Variants in TLN2 observed in about 807,000 individuals in gnomAD.
TLN2 encodes the protein talin 2, also known as talin-2.
Under a neutral mutation model 294.7 loss-of-function variants are expected in TLN2, and 118 were observed. That is an observed-to-expected ratio of 0.40 (90% confidence interval 0.34 to 0.47). The LOEUF (loss-of-function observed/expected upper bound fraction) is 0.47, where lower values mean the gene tolerates loss of function less well. Among genes scored for constraint, TLN2 ranks in the 20% least tolerant of loss-of-function variants. The pLI, the probability that TLN2 is intolerant of heterozygous loss-of-function variation, is 0.84. For missense variants in TLN2, 3,083 were observed against 3,282.2 expected, an observed-to-expected ratio of 0.94 and a Z score of 1.48; for synonymous variants, 1,431 against 1,304.5, an observed-to-expected ratio of 1.10 and a Z score of -2.09.
chr15:62,616,519 C>T (rs1197762494), intron 2 of TLN2, among the ~76,000 whole-genome samples: 1 of 152,222 alleles, frequency 6.6e-6, no homozygotes, highest in African/African-American at 2.4e-5. Flanking sequence ...GCCTCAACCT[C>T]CTCGCCTCAA....
intron 1 of TLN2, among the ~76,000 whole-genome samples, chr15:62,518,411 A>C (rs1047692062): frequency 2.6e-5 from 4 of 152,136 alleles, no homozygotes; most frequent in African/African-American, 9.7e-5. Context: ...GTAGGTTTTG[A>C]AGACAAATAG....
At chr15:62,647,509 A>C (rs2052022193) in intron 4 of TLN2, 63 bp downstream of exon 4, 2 of 1,607,662 alleles carry the variant, frequency 1.2e-6, no homozygotes, top group Non-Finnish European at 1.7e-6. Context: ...CTTTTTTGCT[A>C]AAGAGACAGA....
Position 62,716,412 on chromosome 15 carries a change from G to A in TLN2, c.2716G>A (p.Ala906Thr), listed in dbSNP as rs1052939323. The change falls in exon 23 of 59, where the codon GCA becomes ACA. Residue 906 changes from alanine to threonine, a missense_variant. Coordinates refer to ENST00000636159, the MANE Select transcript of TLN2 (RefSeq NM_015059.3). Reference protein sequence around the residue: ...AAEGLRVATNAAAQNAIKKKI... With the variant: ...AAEGLRVATNTAAQNAIKKKI... ...AGAAGGCCTCCGGGTAGCAACCAAC[G>A]CAGCTGCCCAGAATGCTATTAAGAA... 5 of 1,611,522 alleles carry A rather than the reference G, an allele frequency of 3.1e-6. No individual in the cohort carries two copies. Among genetic ancestry groups the A allele is most frequent in the African/African-American group, 1.3e-5 (1 of 74,746 alleles).
chr15:62,517,898 T>G (rs989784413), intron 1 of TLN2, among the ~76,000 whole-genome samples: 1 of 152,238 alleles, frequency 6.6e-6, no homozygotes, highest in Non-Finnish European at 1.5e-5. Flanking sequence ...GACATATTAC[T>G]TGAACTATTT....
intron 29 of TLN2, 31 bp downstream of exon 29, chr15:62,737,117 C>T (rs1567493828): frequency 2.5e-6 from 4 of 1,610,608 alleles, no homozygotes; most frequent in South Asian, 2.2e-5. Flanking sequence ...TTGTGGTTGT[C>T]ATGGTCATCA....
chr15:62,394,192 C>T (rs906332482), intron 1 of TLN2, among the ~76,000 whole-genome samples: 15 of 152,094 alleles, frequency 9.9e-5, no homozygotes, highest in African/African-American at 3.4e-4. Flanking sequence ...TGGAAAGTTG[C>T]CTGTCTGTTT....
chr15:62,478,109 G>A (rs2439715), intron 1 of TLN2, among the ~76,000 whole-genome samples: 26,203 of 152,124 alleles, frequency 0.17, 2,970 homozygotes, highest in East Asian at 0.45. Flanking sequence ...ACACGTTCTT[G>A]TAACTTAACC....
intron 12 of TLN2, among the ~76,000 whole-genome samples, chr15:62,690,742 A>G (rs1437368076): frequency 6.6e-6 from 1 of 150,476 alleles, no homozygotes; most frequent in Non-Finnish European, 1.5e-5. Flanking sequence ...TGAGTGAACC[A>G]GACTCCGTCT....
chr15:62,395,587 A>G (rs183257874), intron 1 of TLN2, among the ~76,000 whole-genome samples: 9 of 152,306 alleles, frequency 5.9e-5, no homozygotes, highest in African/African-American at 2.2e-4. Context: ...CCACATTTGC[A>G]GCCTTGTTTT....
In TLN2 at chr15:62,448,329, A is replaced by G. The variant is rs138305314; in HGVS notation, c.-238+57644A>G. 2.9e-3 allele frequency among the ~76,000 whole-genome samples: 439 copies of G among 152,322 alleles called. 5 individuals carry two copies. Among genetic ancestry groups the G allele is most frequent in the African/African-American group, 0.01 (430 of 41,572 alleles). Reference sequence around the variant, plus strand: ...ATCCCAATGCTTTACAGAGTTAGGTAGCAGTTATTGAGTCACTCATTTGCA... The same window carrying G: ...ATCCCAATGCTTTACAGAGTTAGGTGGCAGTTATTGAGTCACTCATTTGCA... On this transcript the variant is annotated intron_variant, in intron 1 of 58. Coordinates refer to ENST00000636159, the MANE Select transcript of TLN2 (RefSeq NM_015059.3).
chr15:62,438,219 G>A (rs1461333530), intron 1 of TLN2, among the ~76,000 whole-genome samples: 1 of 152,188 alleles, frequency 6.6e-6, no homozygotes, highest in Non-Finnish European at 1.5e-5. Flanking sequence ...GTTATTTAAG[G>A]GAAAACAGGG....
chr15:62,809,992 G>A lies in TLN2; in HGVS notation c.6731G>A (p.Cys2244Tyr). The A allele has an allele frequency of 6.2e-7, 1 of 1,614,090 alleles. No individual in the cohort carries two copies. Among genetic ancestry groups the A allele is most frequent in the Non-Finnish European group, 8.5e-7 (1 of 1,180,030 alleles). The change falls in exon 52 of 59, where the codon TGC becomes TAC. Residue 2244 changes from cysteine to tyrosine, a missense_variant. By Grantham distance (194) the Cys-to-Tyr change is radical. Transcript: ENST00000636159. Reference protein sequence around the residue: ...RTRALRFGTECTLGYLDLLEH... With the variant: ...RTRALRFGTEYTLGYLDLLEH... ...AGAGCCTTGCGTTTCGGGACGGAGT[G>A]CACCCTTGGCTACTTGGACCTCCTG...
At chr15:62,788,902 G>C (rs1567608665) in intron 45 of TLN2, among the ~76,000 whole-genome samples, 1 of 152,276 alleles carries the variant, frequency 6.6e-6, no homozygotes, top group South Asian at 2.1e-4. Context: ...CTTCTGTCCT[G>C]TGTCACAGGG....
At chr15:62,547,321 G>A (rs1032228356) in intron 1 of TLN2, among the ~76,000 whole-genome samples, 1 of 152,194 alleles carries the variant, frequency 6.6e-6, no homozygotes, top group African/African-American at 2.4e-5. Context: ...GGATTAGACT[G>A]TCTAGGATAG....
At chr15:62,686,564 C>CA in intron 11 of TLN2, 77 bp from the exon 12 acceptor site, 18 of 1,509,206 alleles carry the variant, frequency 1.2e-5, no homozygotes, top group Non-Finnish European at 1.6e-5. Context: ...GGTGAAAGGT[C>CA]AAAAAATCAC....
rs539527734 is a variant in TLN2, at chr15:62,470,798, A to G, written c.-238+80113A>G. On this transcript the variant is annotated intron_variant, in intron 1 of 58. Coordinates refer to ENST00000636159, the MANE Select transcript of TLN2 (RefSeq NM_015059.3). ...AGTTTGGTGACACTTCCCTGCAGAC[A>G]ATAGTAGTTGTACTTTCAGTATCCT... Among the ~76,000 whole-genome samples the G allele has an allele frequency of 3.3e-5, 5 of 152,356 alleles. No homozygotes were observed. In the South Asian group the frequency reaches 1.0e-3, roughly 32 times the overall value.
intron 1 of TLN2, among the ~76,000 whole-genome samples, chr15:62,521,473 G>T (rs1188176206): frequency 2.0e-5 from 3 of 152,126 alleles, no homozygotes; most frequent in Non-Finnish European, 4.4e-5. Flanking sequence ...GAGACAGTTG[G>T]GGGGCAAGTT....
intron 52 of TLN2, among the ~76,000 whole-genome samples, chr15:62,817,500 A>G (rs2067204477): frequency 6.6e-6 from 1 of 152,246 alleles, no homozygotes. Flanking sequence ...CATGTGAAGT[A>G]GTGCTCAAAG....
chr15:62,729,767 C>T (rs560868472), intron 28 of TLN2, among the ~76,000 whole-genome samples: 11 of 151,972 alleles, frequency 7.2e-5, no homozygotes, highest in African/African-American at 2.2e-4. Context: ...TGTTGGGGTT[C>T]GAGTCTATCA....
Sources: gnomAD v4.1 joint callset for allele counts (sites outside exome capture counted in the v4.1 genomes callset) on GRCh38, gnomAD v4.1.1 for gene constraint, MANE v1.5 for transcripts, NCBI Gene and HGNC (gene_info 2026-07-23, HGNC 2026-07-21) for gene names.